TBC1D1: variants seen among roughly 807,000 people sequenced by gnomAD.
The protein encoded by TBC1D1 is TBC1 (tre-2/USP6, BUB2, cdc16) domain family, member 1.
A neutral mutation model predicts 125.6 loss-of-function variants in TBC1D1; 89 were observed. The observed-to-expected ratio is 0.71, with a 90% confidence interval of 0.60 to 0.85. TBC1D1 has a LOEUF of 0.85. TBC1D1 is among the 40% of genes least tolerant of loss of function. The pLI, the probability that TBC1D1 is intolerant of heterozygous loss-of-function variation, is 0.00. For missense variants in TBC1D1, 1,377 were observed against 1,469.2 expected (o/e 0.94, Z 1.03); for synonymous variants, 565 against 564.1 (o/e 1.00, Z -0.02).
intron 2 of TBC1D1, among the ~76,000 whole-genome samples, chr4:37,951,454 T>C (rs556430105): frequency 1.3e-5 from 2 of 152,330 alleles, no homozygotes; most frequent in South Asian, 4.1e-4. Context: ...AACAAAACTT[T>C]GCTGCTATAA....
intron 8 of TBC1D1, among the ~76,000 whole-genome samples, chr4:38,038,348 C>A (rs1466558696): frequency 6.6e-6 from 1 of 152,018 alleles, no homozygotes; most frequent in Admixed American, 6.6e-5. Context: ...AAGAATTATA[C>A]CATGAGCACT....
chr4:38,054,310 G>A lies in TBC1D1; in HGVS notation c.2022G>A (p.Lys674=). 1 of 1,614,172 alleles carries A rather than the reference G, an allele frequency of 6.2e-7. No individual in the cohort carries two copies. The highest frequency in any genetic ancestry group is 8.5e-7 in the Non-Finnish European group (1 of 1,180,022). Residue 674 remains lysine, a synonymous_variant, in exon 12 of 20, where the codon AAG becomes AAA. Coordinates refer to ENST00000261439, the MANE Select transcript of TBC1D1 (RefSeq NM_015173.4). ...TCCTCCGAGTAGCCACCCCGCAGAA[G>A]GCGTGCGATTCTTCCAGCAGATATG...
intron 17 of TBC1D1, chr4:38,120,152 G>A (rs1763618344): frequency 5.2e-6 from 5 of 970,234 alleles, no homozygotes; most frequent in Admixed American, 6.2e-5. Flanking sequence ...GGTGAGACTC[G>A]GAGTTTCATA....
chr4:38,074,872 T>A (rs1755310856), intron 12 of TBC1D1, among the ~76,000 whole-genome samples: 1 of 152,064 alleles, frequency 6.6e-6, no homozygotes, highest in African/African-American at 2.4e-5. Context: ...ATGATTCTCC[T>A]GCCTCAGCCT....
intron 2 of TBC1D1, chr4:37,960,390 A>G: frequency 2.6e-6 from 4 of 1,511,736 alleles, no homozygotes; most frequent in Non-Finnish European, 2.7e-6. Context: ...AAGTGGGACC[A>G]CGGTCTTAGA....
At chr4:38,131,908 ATAT>A (rs1765655033) in intron 18 of TBC1D1, among the ~76,000 whole-genome samples, 1 of 152,250 alleles carries the variant, frequency 6.6e-6, no homozygotes, top group South Asian at 2.1e-4. Context: ...TGCCTTATTA[ATAT>A]TATCCACTGA....
At chr4:37,992,084 A>G (rs1173099497) in intron 2 of TBC1D1, among the ~76,000 whole-genome samples, 1 of 152,192 alleles carries the variant, frequency 6.6e-6, no homozygotes, top group Non-Finnish European at 1.5e-5. Flanking sequence ...GGTTAGCAGG[A>G]CTGTGTTTGT....
intron 2 of TBC1D1, among the ~76,000 whole-genome samples, chr4:37,968,127 A>G (rs2152341512): frequency 6.6e-6 from 1 of 152,352 alleles, no homozygotes; most frequent in East Asian, 1.9e-4. Flanking sequence ...TGGTTTTGAA[A>G]TATCACAGCA....
At position 37,947,647 on chromosome 4, in the gene TBC1D1, C is replaced by T. The variant is rs564509005; in HGVS notation, c.417+45135C>T. 2.6e-5 allele frequency among the ~76,000 whole-genome samples: 4 copies of T among 152,240 alleles called. No homozygotes were observed. The East Asian group carries it at 7.7e-4, about 29-fold the overall frequency. ...ATTAAAAAAATTTTGTTTGTGGAGG[C>T]AGGGTCTCACTATGTTGCCCAGGCA... On this transcript the variant is annotated intron_variant, in intron 2 of 19. Coordinates refer to ENST00000261439, the MANE Select transcript of TBC1D1 (RefSeq NM_015173.4).
chr4:37,902,635 G>C, intron 2 of TBC1D1, 123 bp downstream of exon 2: 2 of 792,684 alleles, frequency 2.5e-6, no homozygotes, highest in South Asian at 2.4e-5. Context: ...GTTATAAATT[G>C]ATTACTTAGC....
In TBC1D1 at chr4:38,099,137, A is replaced by G. The variant is rs190484282; in HGVS notation, c.2398+3047A>G. On this transcript the variant is annotated intron_variant, in intron 14 of 19. Transcript: ENST00000261439. ...CCTTTGACCCGGCAATGCCATTTAT[A>G]AAAACTTACTCTAGAAACTAATCAG... is the stretch of plus-strand genomic sequence containing the variant. Among the ~76,000 whole-genome samples the G allele has an allele frequency of 3.3e-5, 5 of 152,332 alleles. No homozygotes were observed. In the East Asian group the frequency reaches 9.6e-4, roughly 29 times the overall value.
intron 18 of TBC1D1, among the ~76,000 whole-genome samples, chr4:38,130,509 G>T (rs148990460): frequency 8.5e-5 from 13 of 152,276 alleles, no homozygotes; most frequent in African/African-American, 2.9e-4. Context: ...AAACTATGAA[G>T]AACCTAAGAG....
chr4:38,053,231 G>A lies in TBC1D1; in HGVS notation c.1911-968G>A, dbSNP rs567103810. 2 of 1,497,850 alleles carry A rather than the reference G, an allele frequency of 1.3e-6. No individual in the cohort carries two copies. The highest frequency in any genetic ancestry group is 2.6e-5 in the East Asian group (1 of 38,188). The allele number at this position is 1,497,850 out of a possible 1,614,324, so 92.8% of individuals were successfully genotyped here. The stretch of plus-strand genomic sequence containing the variant: ...GATTTTATGAACACAAAAAGGTAGG[G>A]CTTAATTTAGATATATCAAGCCTGG... On this transcript the variant is annotated intron_variant, in intron 11 of 19. Transcript: ENST00000261439.
rs531077514 is a variant in TBC1D1 at position 37,994,736 on chromosome 4, G to A, written c.418-19773G>A. On this transcript the variant is annotated intron_variant, in intron 2 of 19. Coordinates refer to ENST00000261439, the MANE Select transcript of TBC1D1 (RefSeq NM_015173.4). ...GCCGTGTGACCTGATCAGCAAGAAG[G>A]AGGGTGAGGCTGTGACCCCTCTCTT... Among the ~76,000 whole-genome samples, 145 of 152,304 alleles carry A rather than the reference G, an allele frequency of 9.5e-4. 1 individual carries two copies. Among genetic ancestry groups the A allele is most frequent in the African/African-American group, 3.3e-3 (136 of 41,566 alleles).
intron 2 of TBC1D1, among the ~76,000 whole-genome samples, chr4:37,905,369 T>C (rs80217025): frequency 2.6e-5 from 4 of 152,252 alleles, no homozygotes; most frequent in Admixed American, 2.6e-4. Flanking sequence ...AATTTAACCA[T>C]GTTTATACAG....
chr4:37,972,758 C>T (rs1303742032), intron 2 of TBC1D1, among the ~76,000 whole-genome samples: 5 of 151,704 alleles, frequency 3.3e-5, no homozygotes, highest in East Asian at 1.9e-4. Context: ...CAAAATTAGC[C>T]GTGCGTGGTG....
At chr4:38,074,265 G>T (rs895053551) in intron 12 of TBC1D1, among the ~76,000 whole-genome samples, 2 of 152,200 alleles carry the variant, frequency 1.3e-5, no homozygotes, top group African/African-American at 2.4e-5. Context: ...CAAAACTCAT[G>T]ATGGGGAGAG....
At chr4:38,010,100 G>A (rs62298553) in intron 2 of TBC1D1, among the ~76,000 whole-genome samples, 10,278 of 152,242 alleles carry the variant, frequency 0.068, 446 homozygotes, top group Admixed American at 0.14. Context: ...TATTGTAATT[G>A]GAAGTATATG....
At chr4:38,028,630 T>C (rs1033667103) in intron 7 of TBC1D1, among the ~76,000 whole-genome samples, 1 of 152,222 alleles carries the variant, frequency 6.6e-6, no homozygotes, top group Non-Finnish European at 1.5e-5. Context: ...ATAGTAAAAC[T>C]AAATGAAACA....
Sources: allele counts gnomAD v4.1 joint callset (sites outside exome capture counted in the v4.1 genomes callset), GRCh38; gene constraint gnomAD v4.1.1; transcripts MANE v1.5; gene names NCBI Gene and HGNC (gene_info 2026-07-23, HGNC 2026-07-21).